FAAP100: variants seen among roughly 807,000 people sequenced by gnomAD.
The protein encoded by FAAP100 is Fanconi anemia core complex-associated protein 100.
Under a neutral mutation model 65.8 loss-of-function variants are expected in FAAP100, and 46 were observed. That is an observed-to-expected ratio of 0.70 (90% CI 0.55 to 0.89). The LOEUF is 0.89. FAAP100 is among the 40% of genes least tolerant of loss of function. The pLI is 0.00. For synonymous variants in FAAP100, 663 were observed against 555.1 expected (o/e 1.19, Z -2.73); for missense variants, 1,165 against 1,196.7 (o/e 0.97, Z 0.39).
Position 81,552,351 on chromosome 17 carries a change from A to G in FAAP100, c.-21T>C. ...GCCATCGTGCGCGCGGGCCCGTCAG[A>G]GTGAGAAGCCCCGGCCGCGCGGCGG... On this transcript the variant is annotated 5_prime_UTR_variant, in exon 1 of 9. Coordinates refer to ENST00000327787, the MANE Select transcript of FAAP100 (RefSeq NM_025161.6). 1 of 1,348,940 alleles carries G rather than the reference A, an allele frequency of 7.4e-7. No homozygotes were observed. Among genetic ancestry groups the G allele is most frequent in the East Asian group, 3.1e-5 (1 of 32,224 alleles). The allele number at this position is 1,348,940 out of a possible 1,614,324, so 83.6% of individuals were successfully genotyped here. A position where few individuals can be genotyped will look rare whatever the true frequency, so the allele number is the denominator to read the frequency against.
intron 5 of FAAP100, 122 bp downstream of exon 5, chr17:81,546,787 G>A (rs967345830): frequency 7.6e-6 from 8 of 1,059,222 alleles, no homozygotes; most frequent in Admixed American, 3.7e-5. Flanking sequence ...CCAGGAGCTC[G>A]AGGCTGCAGT....
chr17:81,545,071 G>C (rs566091067), intron 6 of FAAP100, among the ~76,000 whole-genome samples: 1 of 152,240 alleles, frequency 6.6e-6, no homozygotes, highest in Non-Finnish European at 1.5e-5. Flanking sequence ...TCAGGAGGCT[G>C]AGGCAGGAGA....
chr17:81,545,545 G>A (rs2033268103), intron 6 of FAAP100, among the ~76,000 whole-genome samples: 1 of 152,144 alleles, frequency 6.6e-6, no homozygotes, highest in South Asian at 2.1e-4. Flanking sequence ...AGTCCTCGGG[G>A]ATCTGAGCTG....
At chr17:81,541,424 G>C in intron 7 of FAAP100, 29 bp from the exon 8 acceptor site, 2 of 1,566,636 alleles carry the variant, frequency 1.3e-6, no homozygotes, top group Non-Finnish European at 1.7e-6. Context: ...ATGCTGGAGA[G>C]GGTGTGCCCC....
chr17:81,549,879 C>G (rs1473778575), intron 3 of FAAP100, among the ~76,000 whole-genome samples: 2 of 152,230 alleles, frequency 1.3e-5, no homozygotes, highest in Non-Finnish European at 2.9e-5. Flanking sequence ...CGTTTGCAGC[C>G]TTTGGAAGAA....
chr17:81,543,568 A>C (rs1031151088), intron 7 of FAAP100, among the ~76,000 whole-genome samples: 1 of 152,024 alleles, frequency 6.6e-6, no homozygotes. Flanking sequence ...AGTGGGGGGA[A>C]CTGCAAACTC....
intron 4 of FAAP100, 132 bp downstream of exon 4, chr17:81,549,071 AAAG>A: frequency 1.7e-6 from 1 of 588,096 alleles, no homozygotes; most frequent in Non-Finnish European, 2.5e-6. Flanking sequence ...AAAAAAAAAA[AAAG>A]AGGCCAAGTA....
rs534408160 is a variant in FAAP100, at chr17:81,547,324, A to G, written c.1758T>C (p.Pro586=). 5 of 1,612,574 alleles carry G rather than the reference A, an allele frequency of 3.1e-6. No individual in the cohort carries two copies. The East Asian group carries it at 1.1e-4, about 36-fold the overall frequency. ...GCAGGTCGAGCCCGCCGTTCTCACC[A>G]GGGCCCAGGGGTAGCGTCACCTCCC... The part of the protein sequence containing the change: ...ARREVTLPLG[P]GENGGLDLPV... Residue 586 remains proline, a synonymous_variant, in exon 5 of 9, where the codon CCT becomes CCC. Coordinates refer to ENST00000327787, the MANE Select transcript of FAAP100 (RefSeq NM_025161.6).
Position 81,544,051 on chromosome 17 carries a change from G to A in FAAP100, c.2380C>T (p.Leu794=). ...TGGTGCGCCCTGCAAATGTCGGCCAGAGAGGAGCTTTCCACTTGAATCTCC... is the reference window on the plus strand; with the variant it reads ...TGGTGCGCCCTGCAAATGTCGGCCAAAGAGGAGCTTTCCACTTGAATCTCC... ...AVEIQVESSS[L]ADICRAHHAV... The change falls in exon 7 of 9, where the codon CTG becomes TTG. Residue 794 remains leucine, a synonymous_variant. Coordinates refer to ENST00000327787, the MANE Select transcript of FAAP100 (RefSeq NM_025161.6). 6.2e-7 allele frequency: 1 copy of A among 1,612,738 alleles called. No homozygotes were observed. The highest frequency in any genetic ancestry group is 8.5e-7 in the Non-Finnish European group (1 of 1,179,866).
intron 8 of FAAP100, 86 bp downstream of exon 8, chr17:81,541,223 G>A (rs927689341): frequency 4.9e-5 from 70 of 1,414,558 alleles, no homozygotes; most frequent in Non-Finnish European, 6.5e-5. Context: ...GGACTCTGCG[G>A]ACCCCGAGTG....
In FAAP100 at chr17:81,543,699, C is replaced by A. The variant is rs141293717; in HGVS notation, c.2427+305G>T. On this transcript the variant is annotated intron_variant, in intron 7 of 8. Transcript: ENST00000327787. ...AAGGGAGGAAACCTTGGGCTGACCT[C>A]GCAGGTCACAAATAGAAACCCACTG... 6.6e-4 allele frequency among the ~76,000 whole-genome samples: 101 copies of A among 152,270 alleles called. 3 individuals carry two copies. The East Asian group carries it at 0.015, about 23-fold the overall frequency.
In FAAP100 at chr17:81,546,903, A is replaced by G. The variant is rs1218331384; in HGVS notation, c.2173+6T>C. The G allele has an allele frequency of 7.2e-7, 1 of 1,384,134 alleles. No individual in the cohort carries two copies. The highest frequency in any genetic ancestry group is 9.4e-7 in the Non-Finnish European group (1 of 1,062,758). The allele number at this position is 1,384,134 out of a possible 1,614,324, so 85.7% of individuals were successfully genotyped here. On this transcript the variant is annotated splice_donor_region_variant and intron_variant, in intron 5 of 8. Coordinates refer to ENST00000327787, the MANE Select transcript of FAAP100 (RefSeq NM_025161.6). ...AGGCTGAGCAAAGCCAAGCAGTGCC[A>G]CCAACCTGAGTGGCCGTCCTTCAAG...
chr17:81,552,253 G>T lies in FAAP100; in HGVS notation c.78C>A (p.Pro26=). ...CPLGGLAAGK[P]RVLCHEAEVF... ...CCTCTGCCTCATGGCACAGCACGCG[G>T]GGCTTGCCCGCCGCCAGGCCCCCGA... Residue 26 remains proline, a synonymous_variant, in exon 1 of 9, where the codon CCC becomes CCA. Coordinates refer to ENST00000327787, the MANE Select transcript of FAAP100 (RefSeq NM_025161.6). 6.7e-7 allele frequency: 1 copy of T among 1,482,222 alleles called. No individual in the cohort carries two copies. Among genetic ancestry groups the T allele is most frequent in the Non-Finnish European group, 8.9e-7 (1 of 1,123,586 alleles). The allele number at this position is 1,482,222 out of a possible 1,614,324, so 91.8% of individuals were successfully genotyped here.
At position 81,547,536 on chromosome 17, in the gene FAAP100, G is replaced by A. The variant is rs777115796; in HGVS notation, c.1546C>T (p.Arg516Cys). Residue 516 changes from arginine (R) to cysteine (C), a missense_variant, in exon 5 of 9, where the codon CGC (arginine) becomes TGC (cysteine). Physicochemically the swap from Arg to Cys is radical, Grantham distance 180. Coordinates refer to ENST00000327787, the MANE Select transcript of FAAP100 (RefSeq NM_025161.6). ...ATGAGCACATCCTGTGTCTGCAGGC[G>A]GCTCCAGGTGGTGCTGGTGGTGCAG... ...ISCTTSTTWS[R>C]LQTQDVLMAT... 1.2e-5 allele frequency: 19 copies of A among 1,613,332 alleles called. No homozygotes were observed. The highest frequency in any genetic ancestry group is 6.7e-5 in the East Asian group (3 of 44,890).
Position 81,540,552 on chromosome 17 carries a change from G to A in FAAP100, c.*267C>T, listed in dbSNP as rs1175642047. 2.1e-5 allele frequency: 9 copies of A among 434,918 alleles called. No individual in the cohort carries two copies. Among genetic ancestry groups the A allele is most frequent in the East Asian group, 3.4e-5 (1 of 29,150 alleles). The allele number at this position is 434,918 out of a possible 1,614,324, so 26.9% of individuals were successfully genotyped here. On this transcript the variant is annotated 3_prime_UTR_variant, in exon 9 of 9. Transcript: ENST00000327787. ...GAAGGCGAGTGCAGGGGCTGCGGCC[G>A]CGGTCAGAGAAGGAGAGACACCAGC...
chr17:81,539,922 A>C lies in FAAP100; in HGVS notation c.*897T>G. ...GACAGACAGGGTCGTTTGTCACAGC[A>C]GAGAAGCACCTCACGGCTCCTACCC... On this transcript the variant is annotated 3_prime_UTR_variant, in exon 9 of 9. Coordinates refer to ENST00000327787, the MANE Select transcript of FAAP100 (RefSeq NM_025161.6). 2.5e-6 allele frequency: 1 copy of C among 398,828 alleles called. No individual in the cohort carries two copies. Among genetic ancestry groups the C allele is most frequent in the Non-Finnish European group, 4.4e-6 (1 of 226,152 alleles). 24.7% of individuals were successfully genotyped at this position (398,828 alleles called of 1,614,324 possible). A position where few individuals can be genotyped will look rare whatever the true frequency, so the allele number is the denominator to read the frequency against.
intron 5 of FAAP100, 38 bp downstream of exon 5, chr17:81,546,871 A>G (rs1219303351): frequency 2.2e-6 from 3 of 1,335,164 alleles, no homozygotes; most frequent in African/African-American, 1.5e-5. Flanking sequence ...AAAAAAAAAA[A>G]TCCCCAAGGC....
rs1348623631 is a variant in FAAP100, at chr17:81,550,200, G to A, written c.1246+48C>T. On this transcript the variant is annotated intron_variant, in intron 3 of 8. Transcript: ENST00000327787. ...TGATAGTAGCAGACAGCCAAAAAGG[G>A]TGCTCCACCCTGGGCTCCCATCTTT... 2.7e-6 allele frequency: 4 copies of A among 1,505,612 alleles called. No homozygotes were observed. The East Asian group carries it at 9.1e-5, about 34-fold the overall frequency. 93.3% of individuals were successfully genotyped at this position (1,505,612 alleles called of 1,614,324 possible).
Position 81,540,770 on chromosome 17 carries a change from G to A in FAAP100, c.*49C>T, listed in dbSNP as rs1401569385. ...CTAACCCATGAGGCCTGGGGGGGCT[G>A]TGACAGAGGCTGGAAGCGTGGCCAG... On this transcript the variant is annotated 3_prime_UTR_variant, in exon 9 of 9. Transcript: ENST00000327787. 1 of 1,463,262 alleles carries A rather than the reference G, an allele frequency of 6.8e-7. No homozygotes were observed. Among genetic ancestry groups the A allele is most frequent in the South Asian group, 1.4e-5 (1 of 73,978 alleles). 90.6% of individuals were successfully genotyped at this position (1,463,262 alleles called of 1,614,324 possible).
Sources: gnomAD v4.1 joint callset for allele counts (sites outside exome capture counted in the v4.1 genomes callset) on GRCh38, gnomAD v4.1.1 for gene constraint, MANE v1.5 for transcripts, NCBI Gene and HGNC (gene_info 2026-07-23, HGNC 2026-07-21) for gene names.